SEMA6D: variants seen among roughly 807,000 people sequenced by gnomAD.
The protein encoded by SEMA6D is semaphorin 6D.
In SEMA6D, 35 loss-of-function variants were observed where a neutral mutation model predicts 106.6. The observed-to-expected ratio is 0.33, with a 90% CI of 0.25 to 0.44. The LOEUF is 0.44. Among genes scored for constraint, SEMA6D ranks in the 20% least tolerant of loss-of-function variants. SEMA6D has a pLI of 1.00. For synonymous variants in SEMA6D, 499 were observed against 487.7 expected, an observed-to-expected ratio of 1.02 and a Z score of -0.31; for missense variants, 1,185 against 1,345.9, an observed-to-expected ratio of 0.88 and a Z score of 1.87.
chr15:47,710,906 A>G (rs1275733607), intron 4 of SEMA6D, among the ~76,000 whole-genome samples: 1 of 152,212 alleles, frequency 6.6e-6, no homozygotes, highest in East Asian at 1.9e-4. Flanking sequence ...AAGCTTCTAG[A>G]AGACAGCCAC....
At chr15:47,317,778 A>G (rs2036741004) in intron 1 of SEMA6D, among the ~76,000 whole-genome samples, 1 of 152,070 alleles carries the variant, frequency 6.6e-6, no homozygotes, top group Non-Finnish European at 1.5e-5. Context: ...GCTACTTTCA[A>G]AATTTTTTCT....
At chr15:47,698,253 T>C (rs948643849) in intron 4 of SEMA6D, among the ~76,000 whole-genome samples, 2 of 152,204 alleles carry the variant, frequency 1.3e-5, no homozygotes, top group East Asian at 1.9e-4. Flanking sequence ...CAAGCTGTTA[T>C]AGATGTTCTG....
intron 4 of SEMA6D, among the ~76,000 whole-genome samples, chr15:47,688,293 G>T (rs972808512): frequency 1.3e-5 from 2 of 152,002 alleles, no homozygotes; most frequent in Admixed American, 6.6e-5. Context: ...CTGACTATTG[G>T]GTGCCATACT....
intron 4 of SEMA6D, among the ~76,000 whole-genome samples, chr15:47,619,822 C>T (rs1361139736): frequency 6.6e-6 from 1 of 152,214 alleles, no homozygotes; most frequent in East Asian, 1.9e-4. Flanking sequence ...CATGTTATAA[C>T]ATCCTTACTT....
intron 1 of SEMA6D, among the ~76,000 whole-genome samples, chr15:47,247,136 T>A (rs868345816): frequency 1.3e-5 from 2 of 152,284 alleles, no homozygotes; most frequent in Middle Eastern, 3.4e-3. Flanking sequence ...GTCTTTAGTC[T>A]GAGAAGTGTG....
At chr15:47,511,554 A>T (rs1596199318) in intron 3 of SEMA6D, among the ~76,000 whole-genome samples, 1 of 152,202 alleles carries the variant, frequency 6.6e-6, no homozygotes, top group African/African-American at 2.4e-5. Context: ...CTATATCTTG[A>T]CACTATTGTC....
chr15:47,622,201 C>CAA (rs199839582), intron 4 of SEMA6D, among the ~76,000 whole-genome samples: 6 of 62,776 alleles, frequency 9.6e-5, no homozygotes, highest in African/African-American at 2.0e-4. Flanking sequence ...GAAACCCAGC[C>CAA]AAAAAAAAAA....
At chr15:47,389,001 T>C (rs1008449785) in intron 1 of SEMA6D, among the ~76,000 whole-genome samples, 2 of 150,340 alleles carry the variant, frequency 1.3e-5, no homozygotes, top group Admixed American at 6.7e-5. Flanking sequence ...AAGGATTATT[T>C]GGTGCAAAAG....
At chr15:47,374,148 G>A (rs976032347) in intron 1 of SEMA6D, among the ~76,000 whole-genome samples, 2 of 152,138 alleles carry the variant, frequency 1.3e-5, no homozygotes, top group Non-Finnish European at 2.9e-5. Flanking sequence ...AAGTACGTAT[G>A]TTAATAACGA....
intron 1 of SEMA6D, among the ~76,000 whole-genome samples, chr15:47,314,597 CAAAAAAA>C (rs764929520): frequency 4.1e-5 from 1 of 24,302 alleles, no homozygotes; most frequent in African/African-American, 9.2e-5. Flanking sequence ...GACTCCATCT[CAAAAAAA>C]AAAAAAAAAA....
chr15:47,279,521 C>T (rs1164123826), intron 1 of SEMA6D, among the ~76,000 whole-genome samples: 107 of 148,466 alleles, frequency 7.2e-4, no homozygotes, highest in Middle Eastern at 3.4e-3. Context: ...CCTTTATTTC[C>T]TTCTCCTGCC....
intron 3 of SEMA6D, among the ~76,000 whole-genome samples, chr15:47,507,397 T>C (rs764482429): frequency 9.5e-5 from 12 of 126,060 alleles, no homozygotes; most frequent in Non-Finnish European, 7.8e-5. Flanking sequence ...GCTGCCTGAG[T>C]CGGAGACTGG....
intron 3 of SEMA6D, among the ~76,000 whole-genome samples, chr15:47,542,251 AT>A (rs574993974): frequency 3.0e-4 from 45 of 152,258 alleles, no homozygotes; most frequent in Non-Finnish European, 5.1e-4. Flanking sequence ...TGACAAGAAT[AT>A]TTTTTGATGG....
rs998301329 is a variant in SEMA6D, at chr15:47,599,428, T to C, written c.-86-1437T>C. 1.4e-5 allele frequency among the ~76,000 whole-genome samples: 2 copies of C among 138,684 alleles called. 1 individual carries two copies. The highest frequency in any genetic ancestry group is 4.9e-4 in the South Asian group (2 of 4,076). The allele number at this position is 138,684 out of a possible 152,430, so 91.0% of individuals were successfully genotyped here. On this transcript the variant is annotated intron_variant, in intron 3 of 19. Coordinates refer to the SEMA6D transcript ENST00000558014. Reference sequence around the variant, plus strand: ...GGAGCAACAGAGGTTGGAGATCTAATGGGGAAAGGTCTGCCTTACGCTTTT... The same window carrying C: ...GGAGCAACAGAGGTTGGAGATCTAACGGGGAAAGGTCTGCCTTACGCTTTT...
rs775908927 is a variant in SEMA6D at position 47,771,541 on chromosome 15, C to T, written c.2978C>T (p.Pro993Leu). ...SPNGVLLSRQ[P>L]SMNRGGYMPT... is the part of the protein sequence containing the mutation. ...AATGGTGTTTTGTTATCCAGACAGCCTAGTATGAACCGTGGAGGATATATG... is the reference window on the plus strand; with the variant it reads ...AATGGTGTTTTGTTATCCAGACAGCTTAGTATGAACCGTGGAGGATATATG... Residue 993 changes from proline (P) to leucine (L), a missense_variant, in exon 19 of 19, where the codon CCT becomes CTT. Physicochemically the swap from Pro to Leu is moderately conservative, Grantham distance 98. Coordinates refer to ENST00000536845, the MANE Select transcript of SEMA6D (RefSeq NM_001358351.3). The T allele has an allele frequency of 5.0e-6, 8 of 1,613,964 alleles. No homozygotes were observed. The highest frequency in any genetic ancestry group is 1.7e-5 in the Admixed American group (1 of 59,986).
At chr15:47,640,781 G>A (rs77218818) in intron 4 of SEMA6D, among the ~76,000 whole-genome samples, 2,638 of 152,018 alleles carry the variant, frequency 0.017, 74 homozygotes, top group African/African-American at 0.061. Flanking sequence ...CATCCTAATC[G>A]TGTGCACCCA....
chr15:47,201,767 A>G (rs1364007254), intron 1 of SEMA6D, among the ~76,000 whole-genome samples: 3 of 152,150 alleles, frequency 2.0e-5, no homozygotes, highest in African/African-American at 7.2e-5. Context: ...TCAGGAAGGA[A>G]TGCTGGACAA....
chr15:47,463,816 A>T (rs921458274), intron 2 of SEMA6D, among the ~76,000 whole-genome samples: 6 of 152,230 alleles, frequency 3.9e-5, no homozygotes, highest in African/African-American at 1.2e-4. Flanking sequence ...CTCCTTCTAA[A>T]GGCTTTAGGG....
At chr15:47,305,792 T>C (rs563624700) in intron 1 of SEMA6D, among the ~76,000 whole-genome samples, 38 of 152,318 alleles carry the variant, frequency 2.5e-4, no homozygotes, top group African/African-American at 8.9e-4. Context: ...TCTGTGAAGG[T>C]TGAGATGCCA....
Sources: gnomAD v4.1 joint callset for allele counts (sites outside exome capture counted in the v4.1 genomes callset) on GRCh38, gnomAD v4.1.1 for gene constraint, MANE v1.5 for transcripts, NCBI Gene and HGNC (gene_info 2026-07-23, HGNC 2026-07-21) for gene names.